The following TRDMT1 variants were observed in gnomAD, a reference collection of about 807,000 sequenced individuals.
TRDMT1 encodes tRNA (cytosine(38)-C(5))-methyltransferase.
TRDMT1 carries 49 observed loss-of-function variants against 51.2 expected under a neutral mutation model. The observed-to-expected ratio is 0.96, with a 90% CI of 0.76 to 1.21. The LOEUF is 1.21. TRDMT1 is among the 50% of genes most tolerant of loss of function. The pLI is 0.00. For missense variants in TRDMT1, 534 were observed against 462.3 expected (o/e 1.16, Z -1.42); for synonymous variants, 187 against 164.6 (o/e 1.14, Z -1.04).
At chr10:17,172,125 G>A (rs1484270940) in intron 2 of TRDMT1, 1 of 165,260 alleles carries the variant, frequency 6.1e-6, no homozygotes, top group African/African-American at 2.4e-5. Flanking sequence ...GCACCACAAG[G>A]TCCAAGCACT....
chr10:17,166,038 T>G (rs2131465164), intron 3 of TRDMT1, among the ~76,000 whole-genome samples: 1 of 152,280 alleles, frequency 6.6e-6, no homozygotes, highest in African/African-American at 2.4e-5. Flanking sequence ...CCCAAAGGAT[T>G]ATAAATCGTG....
chr10:17,187,604 A>G (rs117610874), intron 1 of TRDMT1, among the ~76,000 whole-genome samples: 1 of 152,226 alleles, frequency 6.6e-6, no homozygotes, highest in African/African-American at 2.4e-5. Context: ...AGGAGCTTAC[A>G]TTCTAGAAGA....
chr10:17,192,146 T>C (rs1003024820), intron 1 of TRDMT1, among the ~76,000 whole-genome samples: 4 of 151,870 alleles, frequency 2.6e-5, no homozygotes, highest in African/African-American at 7.3e-5. Context: ...TGGAGAGAAA[T>C]GATAGAGTTA....
chr10:17,152,192 T>A, intron 10 of TRDMT1: 1 of 848,612 alleles, frequency 1.2e-6, no homozygotes, highest in Non-Finnish European at 1.6e-6. Flanking sequence ...TGTTTTGTAA[T>A]GCTGTCACTC....
At chr10:17,170,269 A>G (rs2131492295) in intron 2 of TRDMT1, among the ~76,000 whole-genome samples, 1 of 152,110 alleles carries the variant, frequency 6.6e-6, no homozygotes, top group East Asian at 1.9e-4. Flanking sequence ...ACTAAATTGA[A>G]CCCTTCACAA....
At chr10:17,156,572 A>C (rs988183848) in intron 8 of TRDMT1, among the ~76,000 whole-genome samples, 1 of 152,248 alleles carries the variant, frequency 6.6e-6, no homozygotes, top group South Asian at 2.1e-4. Context: ...TCCCCTTTCT[A>C]GGTTTAAAAA....
intron 2 of TRDMT1, among the ~76,000 whole-genome samples, chr10:17,173,684 A>G (rs1842307609): frequency 6.6e-6 from 1 of 152,006 alleles, no homozygotes; most frequent in Non-Finnish European, 1.5e-5. Context: ...AATAAACTAC[A>G]TATTTATTGC....
At chr10:17,150,217 A>G (rs1838507277) in intron 10 of TRDMT1, 1 of 202,320 alleles carries the variant, frequency 4.9e-6, no homozygotes, top group South Asian at 1.7e-4. Flanking sequence ...TTTGATTTAC[A>G]TTTCCCTAAT....
intron 10 of TRDMT1, chr10:17,150,347 G>A: frequency 1.0e-6 from 1 of 972,954 alleles, no homozygotes; most frequent in Non-Finnish European, 1.2e-6. Context: ...TTGTTGAATG[G>A]TAAGAGTCCT....
chr10:17,140,156 C>A lies in TRDMT1; in HGVS notation c.*8884G>T, dbSNP rs1268118464. ...CTCCGCCTCCCAGGTTCCAGTGAGT[C>A]TCCTGCCTCAGCCTCCTGAATAGCT... On this transcript the variant is annotated 3_prime_UTR_variant, in exon 11 of 11. Transcript: ENST00000377799. Among the ~76,000 whole-genome samples the A allele has an allele frequency of 1.4e-5, 2 of 144,642 alleles. No individual in the cohort carries two copies. Among genetic ancestry groups the A allele is most frequent in the African/African-American group, 2.6e-5 (1 of 39,142 alleles). 94.9% of individuals were successfully genotyped at this position (144,642 alleles called of 152,430 possible).
intron 1 of TRDMT1, among the ~76,000 whole-genome samples, chr10:17,193,032 A>AG (rs1199544509): frequency 6.6e-6 from 1 of 152,172 alleles, no homozygotes; most frequent in Admixed American, 6.5e-5. Flanking sequence ...TATTCAACAT[A>AG]GTATTGGAAG....
chr10:17,166,263 C>T (rs1412431188), intron 3 of TRDMT1, among the ~76,000 whole-genome samples: 4 of 151,008 alleles, frequency 2.6e-5, no homozygotes, highest in Non-Finnish European at 4.4e-5. Flanking sequence ...AGCAAACTAT[C>T]ACAAGGACAA....
In TRDMT1 at chr10:17,149,969, G is replaced by A. The variant is rs1269774847; in HGVS notation, c.1076-829C>T. ...TTCATGTATGTTTTTGTATAGATAC[G>A]TATTTTCAATTCTCTTGGATATATA... On this transcript the variant is annotated intron_variant, in intron 10 of 10. Transcript: ENST00000377799. Among the ~76,000 whole-genome samples, 6 of 152,024 alleles carry A rather than the reference G, an allele frequency of 3.9e-5. No homozygotes were observed. In the South Asian group the frequency reaches 8.3e-4, roughly 21 times the overall value.
chr10:17,192,436 A>G (rs1844813667), intron 1 of TRDMT1, among the ~76,000 whole-genome samples: 1 of 152,236 alleles, frequency 6.6e-6, no homozygotes, highest in Non-Finnish European at 1.5e-5. Flanking sequence ...AATTATGAAC[A>G]TAGTTGGCTA....
chr10:17,196,891 G>A (rs34539222), intron 1 of TRDMT1, among the ~76,000 whole-genome samples: 43,720 of 151,970 alleles, frequency 0.29, 6,503 homozygotes, highest in Middle Eastern at 0.39. Context: ...TTAAACAAAC[G>A]AGGAAACCCA....
intron 1 of TRDMT1, 178 bp downstream of exon 1, chr10:17,201,393 T>A: frequency 1.8e-6 from 1 of 570,736 alleles, no homozygotes; most frequent in Non-Finnish European, 3.0e-6. Flanking sequence ...AGTCAGCGTC[T>A]GGAGGGGTGG....
intron 10 of TRDMT1, among the ~76,000 whole-genome samples, chr10:17,149,775 T>C (rs1412955296): frequency 6.6e-6 from 1 of 152,190 alleles, no homozygotes; most frequent in Non-Finnish European, 1.5e-5. Flanking sequence ...CTAAACATGT[T>C]TTAAACATTC....
At chr10:17,173,966 T>C (rs1339657180) in intron 2 of TRDMT1, among the ~76,000 whole-genome samples, 2 of 152,134 alleles carry the variant, frequency 1.3e-5, no homozygotes, top group Admixed American at 6.5e-5. Flanking sequence ...GGTTTTGCTA[T>C]GTCAGCCAGG....
At chr10:17,196,410 A>G (rs1432193450) in intron 1 of TRDMT1, among the ~76,000 whole-genome samples, 2 of 152,216 alleles carry the variant, frequency 1.3e-5, no homozygotes, top group African/African-American at 4.8e-5. Context: ...TTCTCCTGAT[A>G]CTACATTTTA....
Sources: allele counts gnomAD v4.1 joint callset (sites outside exome capture counted in the v4.1 genomes callset), GRCh38; gene constraint gnomAD v4.1.1; transcripts MANE v1.5; gene names NCBI Gene and HGNC (gene_info 2026-07-23, HGNC 2026-07-21).